Variants in DCDC1 observed in about 807,000 individuals in gnomAD.
DCDC1 encodes doublecortin domain-containing protein 1.
Under a neutral mutation model 178.3 loss-of-function variants are expected in DCDC1, and 200 were observed. The ratio of observed to expected loss-of-function variants is 1.12; its 90% CI spans 1.00 to 1.26. The LOEUF is 1.26. Ranked by LOEUF, DCDC1 falls within the 50% of genes most tolerant of loss-of-function variation. The pLI is 0.00. For missense variants in DCDC1, 1,983 were observed against 1,749.2 expected, an observed-to-expected ratio of 1.13 and a Z score of -2.38; for synonymous variants, 690 against 604.8, an observed-to-expected ratio of 1.14 and a Z score of -2.07.
chr11:31,157,462 CAT>C (rs10539767), intron 9 of DCDC1, among the ~76,000 whole-genome samples: 87,608 of 147,486 alleles, frequency 0.59, 26,371 homozygotes, highest in East Asian at 0.93. Flanking sequence ...AATGAATATA[CAT>C]ATATATATAT....
At chr11:31,214,142 T>C (rs995850047) in intron 9 of DCDC1, among the ~76,000 whole-genome samples, 1 of 152,126 alleles carries the variant, frequency 6.6e-6, no homozygotes, top group African/African-American at 2.4e-5. Flanking sequence ...ATAAGGTGAA[T>C]AGGTGACCAC....
At chr11:30,920,214 A>G (rs1452965637) in intron 25 of DCDC1, among the ~76,000 whole-genome samples, 1 of 152,226 alleles carries the variant, frequency 6.6e-6, no homozygotes, top group Non-Finnish European at 1.5e-5. Context: ...AATGACAGGC[A>G]TGAACCAGGG....
chr11:31,203,560 G>A (rs1212014494), intron 9 of DCDC1, among the ~76,000 whole-genome samples: 1 of 152,116 alleles, frequency 6.6e-6, no homozygotes, highest in African/African-American at 2.4e-5. Flanking sequence ...CTACTACCCA[G>A]GGGCTCCCCT....
intron 18 of DCDC1, among the ~76,000 whole-genome samples, chr11:31,077,135 G>C (rs1956910071): frequency 6.6e-6 from 1 of 152,158 alleles, no homozygotes; most frequent in African/African-American, 2.4e-5. Context: ...GCTTCTTAGA[G>C]ATTACTCAAG....
Position 31,064,488 on chromosome 11 carries a change from G to A in DCDC1, c.2572C>T (p.Pro858Ser). 1.3e-6 allele frequency: 1 copy of A among 765,698 alleles called. No individual in the cohort carries two copies. The allele number at this position is 765,698 out of a possible 1,614,324, so 47.4% of individuals were successfully genotyped here. ...ALVRKLEEKH[P>S]KASAQRWAIK... ...CCCTACCTCTGAGCAGAAGCCTTAG[G>A]ATGTTTCTCTTCCAGTTTCCTCACC... is the stretch of plus-strand genomic sequence containing the variant. Residue 858 changes from proline (P) to serine (S), a missense_variant, in exon 20 of 39, where the codon CCT becomes TCT. Pro to Ser is a moderately conservative substitution (Grantham distance 74). Transcript: ENST00000684477.
chr11:31,196,295 T>G (rs1565415635), intron 9 of DCDC1, among the ~76,000 whole-genome samples: 1 of 151,936 alleles, frequency 6.6e-6, no homozygotes, highest in Admixed American at 6.6e-5. Context: ...ATCCTCCAAG[T>G]CTCTGGACAC....
intron 3 of DCDC1, 146 bp downstream of exon 3, chr11:31,327,971 C>CTAA: frequency 1.5e-6 from 1 of 687,214 alleles, no homozygotes; most frequent in South Asian, 4.2e-5. Context: ...CTCAAGTGAT[C>CTAA]CACCTGCCTC....
intron 9 of DCDC1, among the ~76,000 whole-genome samples, chr11:31,173,074 A>G (rs1967462444): frequency 6.6e-6 from 1 of 152,232 alleles, no homozygotes; most frequent in South Asian, 2.1e-4. Flanking sequence ...AAAACAGATG[A>G]CCTCGAGGAT....
intron 6 of DCDC1, 46 bp from the exon 7 acceptor site, chr11:31,290,898 T>G: frequency 6.4e-7 from 1 of 1,556,916 alleles, no homozygotes; most frequent in Non-Finnish European, 8.8e-7. Flanking sequence ...GCTTCAAAAT[T>G]AAAAATGGAC....
At chr11:31,037,728 G>A (rs1954161012) in intron 20 of DCDC1, among the ~76,000 whole-genome samples, 1 of 152,100 alleles carries the variant, frequency 6.6e-6, no homozygotes, top group African/African-American at 2.4e-5. Flanking sequence ...CTCCCAAAGT[G>A]CTGGGATTAC....
intron 9 of DCDC1, among the ~76,000 whole-genome samples, chr11:31,237,501 T>C (rs1976606814): frequency 6.6e-6 from 1 of 151,868 alleles, no homozygotes; most frequent in South Asian, 2.1e-4. Context: ...CTTAAATTAA[T>C]AAACAAAAGA....
intron 17 of DCDC1, among the ~76,000 whole-genome samples, chr11:31,086,973 A>C (rs1011844706): frequency 3.9e-5 from 6 of 151,960 alleles, no homozygotes; most frequent in African/African-American, 9.7e-5. Context: ...ATTTTTCCTA[A>C]AATGTTTGCA....
intron 33 of DCDC1, 43 bp from the exon 34 acceptor site, chr11:30,899,685 A>G: frequency 7.5e-7 from 1 of 1,328,372 alleles, no homozygotes; most frequent in East Asian, 2.6e-5. Context: ...ACAGTAATTT[A>G]TCACGCGCAC....
At chr11:31,246,445 C>A (rs1003055250) in intron 8 of DCDC1, among the ~76,000 whole-genome samples, 3 of 151,514 alleles carry the variant, frequency 2.0e-5, no homozygotes, top group Non-Finnish European at 2.9e-5. Flanking sequence ...GAATTTCCCA[C>A]CAATTCAACC....
intron 20 of DCDC1, among the ~76,000 whole-genome samples, chr11:30,986,213 C>T (rs1950632067): frequency 6.6e-6 from 1 of 151,920 alleles, no homozygotes; most frequent in Admixed American, 6.6e-5. Context: ...CATGTTCACT[C>T]CCCAGACAGC....
At chr11:31,145,740 G>C (rs1046131158) in intron 9 of DCDC1, among the ~76,000 whole-genome samples, 1 of 152,192 alleles carries the variant, frequency 6.6e-6, no homozygotes, top group African/African-American at 2.4e-5. Flanking sequence ...GAACTCTCAA[G>C]ATGTTTTGGA....
intron 20 of DCDC1, among the ~76,000 whole-genome samples, chr11:31,003,087 A>AAT (rs58682579): frequency 0.045 from 6,682 of 147,068 alleles, 426 homozygotes; most frequent in African/African-American, 0.14. Context: ...CATATCTTTA[A>AAT]ATATATATAT....
intron 18 of DCDC1, among the ~76,000 whole-genome samples, chr11:31,067,148 T>TA (rs1434209847): frequency 6.6e-6 from 1 of 151,764 alleles, no homozygotes; most frequent in East Asian, 1.9e-4. Context: ...ATGAAGAAAG[T>TA]AAAAAAACAA....
Position 31,305,717 on chromosome 11 carries a change from C to T in DCDC1, c.652G>A (p.Ala218Thr), listed in dbSNP as rs139981203. The T allele has an allele frequency of 9.3e-6, 15 of 1,613,700 alleles. No homozygotes were observed. Among genetic ancestry groups the T allele is most frequent in the Non-Finnish European group, 1.3e-5 (15 of 1,179,876 alleles). The stretch of plus-strand genomic sequence containing the variant: ...GGTTCGAGGGCTTCCTTGCCGTCTG[C>T]CAAGAACACTCGTCTTGCGGCCATG... Reference protein sequence around the residue: ...LNMAARRVFLADGKEALEPED... With the variant: ...LNMAARRVFLTDGKEALEPED... The change falls in exon 6 of 39, where the codon GCA (alanine) becomes ACA (threonine). Residue 218 changes from alanine to threonine, a missense_variant. By Grantham distance (58) the Ala-to-Thr change is moderately conservative. Coordinates refer to ENST00000684477, the MANE Select transcript of DCDC1 (RefSeq NM_001387274.1).
Sources: gnomAD v4.1 joint callset for allele counts (sites outside exome capture counted in the v4.1 genomes callset) on GRCh38, gnomAD v4.1.1 for gene constraint, MANE v1.5 for transcripts, NCBI Gene and HGNC (gene_info 2026-07-23, HGNC 2026-07-21) for gene names.